Variants in SLC7A6OS observed in about 807,000 individuals in gnomAD.
The protein encoded by SLC7A6OS is solute carrier family 7 member 6 opposite strand.
Under a neutral mutation model 34.3 loss-of-function variants are expected in SLC7A6OS, and 22 were observed. The ratio of observed to expected loss-of-function variants is 0.64; its 90% CI spans 0.46 to 0.92. The LOEUF is 0.92. SLC7A6OS is among the 40% of genes least tolerant of loss of function. The pLI is 0.00. For missense variants in SLC7A6OS, 434 were observed against 407.7 expected (o/e 1.06, Z -0.56); for synonymous variants, 199 against 165.0 (o/e 1.21, Z -1.58).
At chr16:68,307,052 T>C (rs940211072) in intron 2 of SLC7A6OS, among the ~76,000 whole-genome samples, 2 of 152,236 alleles carry the variant, frequency 1.3e-5, no homozygotes, top group African/African-American at 2.4e-5. Context: ...GTTAAACATA[T>C]ATATTTTCGC....
chr16:68,304,023 T>C lies in SLC7A6OS; in HGVS notation c.678+3A>G, dbSNP rs1418150033. Reference sequence around the variant, plus strand: ...TGCCCCGTCTGCTCATGGGCCCCCTTACCAGCTCCCATTCTTGGCTGTAGG... The same window carrying C: ...TGCCCCGTCTGCTCATGGGCCCCCTCACCAGCTCCCATTCTTGGCTGTAGG... On this transcript the variant is annotated splice_donor_region_variant and intron_variant, in intron 3 of 4. Transcript: ENST00000263997. 2 of 1,612,758 alleles carry C rather than the reference T, an allele frequency of 1.2e-6. No homozygotes were observed. Among genetic ancestry groups the C allele is most frequent in the African/African-American group, 2.7e-5 (2 of 74,888 alleles).
chr16:68,304,316 G>A, intron 2 of SLC7A6OS, 84 bp from the exon 3 acceptor site: 2 of 1,252,624 alleles, frequency 1.6e-6, no homozygotes, highest in Non-Finnish European at 1.2e-6. Flanking sequence ...TTGGGTGAAG[G>A]AAGGCTCCCT....
At chr16:68,305,879 G>A (rs2043322482) in intron 2 of SLC7A6OS, among the ~76,000 whole-genome samples, 1 of 152,122 alleles carries the variant, frequency 6.6e-6, no homozygotes, top group South Asian at 2.1e-4. Context: ...GGGCAACATG[G>A]CAAAACCGTC....
intron 3 of SLC7A6OS, among the ~76,000 whole-genome samples, 197 bp from the exon 4 acceptor site, chr16:68,302,698 C>T (rs560433343): frequency 3.9e-5 from 6 of 152,280 alleles, no homozygotes; most frequent in African/African-American, 1.4e-4. Flanking sequence ...GAGCCCAGCT[C>T]CACAATGATA....
rs769119499 is a variant in SLC7A6OS at position 68,310,849 on chromosome 16, A to G, written c.78T>C (p.Ala26=). 1.9e-6 allele frequency: 3 copies of G among 1,612,912 alleles called. No individual in the cohort carries two copies. Among genetic ancestry groups the G allele is most frequent in the Non-Finnish European group, 2.5e-6 (3 of 1,179,832 alleles). The change falls in exon 1 of 5, where the codon GCT becomes GCC. Residue 26 remains alanine, a synonymous_variant. Coordinates refer to ENST00000263997, the MANE Select transcript of SLC7A6OS (RefSeq NM_032178.3). The part of the protein sequence containing the change: ...SAEPAEALVL[A]CKRLRSDAVE... Reference sequence around the variant, plus strand: ...CCGCGTCGCTCCGGAGGCGTTTACAAGCGAGCACAAGAGCCTCCGCCGGCT... The same window carrying G: ...CCGCGTCGCTCCGGAGGCGTTTACAGGCGAGCACAAGAGCCTCCGCCGGCT...
At chr16:68,301,549 CTTT>C (rs112503740) in intron 4 of SLC7A6OS, 144 bp from the exon 5 acceptor site, 2 of 575,566 alleles carry the variant, frequency 3.5e-6, no homozygotes, top group Non-Finnish European at 5.5e-6. Flanking sequence ...ATATAGAATT[CTTT>C]TTTTTTTAAA....
In SLC7A6OS at chr16:68,304,191, C is replaced by T. The variant is rs1247907996; in HGVS notation, c.513G>A (p.Leu171=). Residue 171 remains leucine (L), a synonymous_variant, in exon 3 of 5, where the codon TTG becomes TTA. Coordinates refer to ENST00000263997, the MANE Select transcript of SLC7A6OS (RefSeq NM_032178.3). ...CAGACACAGTCAATCGCTCACGGAT[C>T]AACTCTACAGAATTGCAGAGGATCA... The part of the protein sequence containing the change: ...PDVILCNSVE[L]IRERLTVSED... 6.2e-7 allele frequency: 1 copy of T among 1,614,166 alleles called. No individual in the cohort carries two copies.
intron 3 of SLC7A6OS, chr16:68,303,575 C>T (rs192537970): frequency 6.1e-6 from 1 of 164,134 alleles, no homozygotes; most frequent in Admixed American, 6.0e-5. Context: ...AGTGTGAGAC[C>T]TTGTCTCAAA....
intron 4 of SLC7A6OS, 70 bp from the exon 5 acceptor site, chr16:68,301,475 C>A: frequency 7.1e-7 from 1 of 1,414,002 alleles, no homozygotes; most frequent in Non-Finnish European, 9.7e-7. Flanking sequence ...CCCTTCTCTT[C>A]TCAGAAAGGT....
intron 3 of SLC7A6OS, chr16:68,303,684 C>T (rs1031439514): frequency 3.0e-5 from 6 of 202,050 alleles, no homozygotes; most frequent in African/African-American, 1.4e-4. Flanking sequence ...TTTGTTGTCA[C>T]TCATGTTAAG....
At chr16:68,301,582 CA>C in intron 4 of SLC7A6OS, 177 bp from the exon 5 acceptor site, 1 of 498,570 alleles carries the variant, frequency 2.0e-6, no homozygotes, top group Non-Finnish European at 3.4e-6. Flanking sequence ...ACTTTCCTAT[CA>C]TCTAAACCAA....
At chr16:68,306,941 C>T (rs2043331482) in intron 2 of SLC7A6OS, among the ~76,000 whole-genome samples, 1 of 152,060 alleles carries the variant, frequency 6.6e-6, no homozygotes, top group Non-Finnish European at 1.5e-5. Flanking sequence ...CTCCCGGGCT[C>T]AAGTGCTCCT....
In SLC7A6OS at chr16:68,301,427, G is replaced by GTCATTTTA. The variant is rs762109296; in HGVS notation, c.800-23_800-22insTAAAATGA. 6.8e-6 allele frequency: 11 copies of GTCATTTTA among 1,607,060 alleles called. No homozygotes were observed. In the South Asian group the frequency reaches 1.2e-4, roughly 18 times the overall value. ...GAGCCTAGAATGACATCCCGGGAGT[G>GTCATTTTA]GATTCTAAATGTGATTTTCCTAGGC... On this transcript the variant is annotated intron_variant, in intron 4 of 4. Coordinates refer to ENST00000263997, the MANE Select transcript of SLC7A6OS (RefSeq NM_032178.3).
rs192965268 is a variant in SLC7A6OS, at chr16:68,308,142, T to A, written c.471+2193A>T. Among the ~76,000 whole-genome samples the A allele has an allele frequency of 9.5e-3, 1,433 of 151,240 alleles. 33 individuals carry two copies. In the South Asian group the frequency reaches 0.095, roughly 10 times the overall value. Reference sequence around the variant, plus strand: ...GTCTTGAACTCCTGACCTCAAGTGATCCACCCGCCTCAGCCTCCCAAAGTG... The same window carrying A: ...GTCTTGAACTCCTGACCTCAAGTGAACCACCCGCCTCAGCCTCCCAAAGTG... On this transcript the variant is annotated intron_variant, in intron 2 of 4. Transcript: ENST00000263997.
At position 68,310,757 on chromosome 16, in the gene SLC7A6OS, A is replaced by G; in HGVS notation, c.170T>C (p.Leu57Ser). The change falls in exon 1 of 5, where the codon TTG (leucine) becomes TCG (serine). Residue 57 changes from leucine to serine, a missense_variant. Physicochemically the swap from Leu to Ser is moderately radical, Grantham distance 145 (BLOSUM62 -2). Transcript: ENST00000263997. Reference sequence around the variant, plus strand: ...TACCTGGGAGCACACAGTGGCCACCAAGTGGAAGACATTATTCTCCGCCGC... The same window carrying G: ...TACCTGGGAGCACACAGTGGCCACCGAGTGGAAGACATTATTCTCCGCCGC... ...ERAAENNVFH[L>S]VATVCSQEEP... The G allele has an allele frequency of 6.2e-7, 1 of 1,611,204 alleles. No individual in the cohort carries two copies. The highest frequency in any genetic ancestry group is 2.2e-5 in the East Asian group (1 of 44,822).
rs748763387 is a variant in SLC7A6OS, at chr16:68,310,909, G to A, written c.18C>T (p.Thr6=). The A allele has an allele frequency of 1.3e-6, 2 of 1,588,874 alleles. No individual in the cohort carries two copies. Among genetic ancestry groups the A allele is most frequent in the East Asian group, 2.3e-5 (1 of 43,666 alleles). Residue 6 remains threonine (T), a synonymous_variant, in exon 1 of 5, where the codon ACC becomes ACT. Transcript: ENST00000263997. ...GCTTCCGCTTCACCCGGAGTACAGC[G>A]GTCCTGGCGGCCTCCATAGTGGCTG... The part of the protein sequence containing the change: MEAAR[T]AVLRVKRKRS...
In SLC7A6OS at chr16:68,299,645, T is replaced by C. The variant is rs1401767135; in HGVS notation, c.*1630A>G. ...ATTGGGGAAACTTAATGAGTATAAA[T>C]AGCAGGGAGCACATTGTAACAGCAC... On this transcript the variant is annotated 3_prime_UTR_variant, in exon 5 of 5. Transcript: ENST00000263997. 6.6e-6 allele frequency: 1 copy of C among 152,238 alleles called. No homozygotes were observed. The highest frequency in any genetic ancestry group is 2.4e-5 in the African/African-American group (1 of 41,462). The allele number at this position is 152,238 out of a possible 1,614,324, so 9.4% of individuals were successfully genotyped here. A position where few individuals can be genotyped will look rare whatever the true frequency, so the allele number is the denominator to read the frequency against.
chr16:68,308,761 A>G (rs2043344892), intron 2 of SLC7A6OS, among the ~76,000 whole-genome samples: 1 of 151,950 alleles, frequency 6.6e-6, no homozygotes, highest in Non-Finnish European at 1.5e-5. Context: ...TTATCAAGAG[A>G]GGGCATATTG....
chr16:68,309,444 T>C (rs1255508046), intron 2 of SLC7A6OS, among the ~76,000 whole-genome samples: 1 of 152,038 alleles, frequency 6.6e-6, no homozygotes, highest in Non-Finnish European at 1.5e-5. Context: ...TGGCTCACTG[T>C]AGCCTTGACC....
Sources: gnomAD v4.1 joint callset for allele counts (sites outside exome capture counted in the v4.1 genomes callset) on GRCh38, gnomAD v4.1.1 for gene constraint, MANE v1.5 for transcripts, NCBI Gene and HGNC (gene_info 2026-07-23, HGNC 2026-07-21) for gene names.